MBTPS1: variants seen among roughly 807,000 people sequenced by gnomAD.
The protein encoded by MBTPS1 is membrane-bound transcription factor site-1 protease.
In MBTPS1, 94 loss-of-function variants were observed where a neutral mutation model predicts 127.8. The observed-to-expected ratio is 0.74, with a 90% CI of 0.62 to 0.87. The LOEUF is 0.87. MBTPS1 is among the 40% of genes least tolerant of loss of function. The pLI is 0.00. For synonymous variants in MBTPS1, 632 were observed against 509.4 expected (o/e 1.24, Z -3.24); for missense variants, 1,636 against 1,353.2 (o/e 1.21, Z -3.28).
In MBTPS1 at chr16:84,054,273, G is replaced by A. The variant is rs369011145; in HGVS notation, c.*176C>T. 10 of 460,186 alleles carry A rather than the reference G, an allele frequency of 2.2e-5. No homozygotes were observed. Among genetic ancestry groups the A allele is most frequent in the Admixed American group, 1.2e-4 (3 of 24,126 alleles). The allele number at this position is 460,186 out of a possible 1,614,324, so 28.5% of individuals were successfully genotyped here. ...TGACGGGATCCACAGGAATCTTCTC[G>A]ATGTACCAGGAGCCTCTGCCCATCA... On this transcript the variant is annotated 3_prime_UTR_variant, in exon 23 of 23. Transcript: ENST00000343411.
Position 84,106,323 on chromosome 16 carries a change from G to A in MBTPS1, c.-324-4216C>T, listed in dbSNP as rs570788242. On this transcript the variant is annotated intron_variant, in intron 1 of 22. Transcript: ENST00000343411. ...AATAATAATAATAATAAATAAATAA[G>A]AAAACACAAAGAAAAGGAATATGAC... 5.1e-4 allele frequency among the ~76,000 whole-genome samples: 78 copies of A among 152,122 alleles called. 1 individual carries two copies. The highest frequency in any genetic ancestry group is 2.2e-4 in the Non-Finnish European group (15 of 67,978).
chr16:84,069,847 C>T lies in MBTPS1; in HGVS notation c.1955+19G>A. 1.9e-6 allele frequency: 3 copies of T among 1,604,410 alleles called. No individual in the cohort carries two copies. The highest frequency in any genetic ancestry group is 2.6e-6 in the Non-Finnish European group (3 of 1,175,814). On this transcript the variant is annotated intron_variant, in intron 14 of 22. Transcript: ENST00000343411. ...CCACGGAGGCTGGGGAGGTGAAGTG[C>T]ATCCTGTGAGGTGCTTACCAGTCTA...
chr16:84,090,325 C>T (rs1406460129), intron 8 of MBTPS1, among the ~76,000 whole-genome samples: 3 of 151,252 alleles, frequency 2.0e-5, no homozygotes, highest in Non-Finnish European at 4.4e-5. Context: ...AGCACAAAGG[C>T]CCCCCTGTGA....
intron 1 of MBTPS1, among the ~76,000 whole-genome samples, chr16:84,114,820 C>T (rs1324949347): frequency 7.1e-6 from 1 of 141,008 alleles, no homozygotes; most frequent in Non-Finnish European, 1.5e-5. Flanking sequence ...CAGAGCGAGA[C>T]TCTGTCTCAA....
chr16:84,088,663 A>G (rs1261648144), intron 8 of MBTPS1, among the ~76,000 whole-genome samples: 1 of 152,226 alleles, frequency 6.6e-6, no homozygotes, highest in Non-Finnish European at 1.5e-5. Flanking sequence ...CTGGCACCAC[A>G]GAGTCTAGGA....
chr16:84,079,456 C>G (rs567081601), intron 11 of MBTPS1, among the ~76,000 whole-genome samples: 3 of 151,988 alleles, frequency 2.0e-5, no homozygotes, highest in Non-Finnish European at 4.4e-5. Context: ...TAAAAAGACA[C>G]CAAGGAAAGA....
chr16:84,063,281 A>C, intron 19 of MBTPS1, 24 bp downstream of exon 19: 1 of 1,596,490 alleles, frequency 6.3e-7, no homozygotes, highest in Non-Finnish European at 8.6e-7. Context: ...CCGAAGTCAC[A>C]AAGTCCATCT....
intron 17 of MBTPS1, 113 bp downstream of exon 17, chr16:84,066,376 G>T: frequency 8.8e-7 from 1 of 1,137,594 alleles, no homozygotes; most frequent in Non-Finnish European, 1.2e-6. Flanking sequence ...TCTTTCCACA[G>T]ACTCCAGCTA....
At chr16:84,083,199 C>T (rs917798467) in intron 10 of MBTPS1, among the ~76,000 whole-genome samples, 4 of 152,172 alleles carry the variant, frequency 2.6e-5, no homozygotes, top group African/African-American at 9.7e-5. Context: ...GAAGCTGCAG[C>T]CCTAACTGAA....
chr16:84,053,906 T>G lies in MBTPS1; in HGVS notation c.*543A>C, dbSNP rs1394673833. 6.6e-6 allele frequency: 1 copy of G among 152,372 alleles called. No homozygotes were observed. Among genetic ancestry groups the G allele is most frequent in the Non-Finnish European group, 1.5e-5 (1 of 68,154 alleles). The allele number at this position is 152,372 out of a possible 1,614,324, so 9.4% of individuals were successfully genotyped here. ...GGTCTATGTTTTACAGATTTGTGCA[T>G]GTTTCCTTCAAATCTCAGTCTGTAC... On this transcript the variant is annotated 3_prime_UTR_variant, in exon 23 of 23. Transcript: ENST00000343411.
intron 15 of MBTPS1, 37 bp downstream of exon 15, chr16:84,068,302 G>A (rs369270630): frequency 2.5e-5 from 33 of 1,344,392 alleles, no homozygotes; most frequent in African/African-American, 2.0e-4. Flanking sequence ...CAAAGTGGGC[G>A]GAAAGACCAT....
intron 14 of MBTPS1, 90 bp from the exon 15 acceptor site, chr16:84,068,544 C>G: frequency 1.1e-6 from 1 of 870,970 alleles, no homozygotes; most frequent in East Asian, 2.5e-5. Flanking sequence ...TGCAAGAGCA[C>G]CATGCCATGG....
At chr16:84,112,974 C>CAA (rs71382895) in intron 1 of MBTPS1, among the ~76,000 whole-genome samples, 714 of 56,744 alleles carry the variant, frequency 0.013, 39 homozygotes, top group Admixed American at 0.1. Flanking sequence ...GATGCCATCT[C>CAA]AAAAAAAAAA....
intron 3 of MBTPS1, among the ~76,000 whole-genome samples, chr16:84,098,551 G>A (rs989258966): frequency 6.6e-6 from 1 of 152,142 alleles, no homozygotes; most frequent in South Asian, 2.1e-4. Context: ...AGGTTGAGGT[G>A]AGCCAAGATC....
Position 84,060,719 on chromosome 16 carries a change from G to T in MBTPS1, c.2667C>A (p.Pro889=). 1 of 1,613,910 alleles carries T rather than the reference G, an allele frequency of 6.2e-7. No individual in the cohort carries two copies. Among genetic ancestry groups the T allele is most frequent in the Non-Finnish European group, 8.5e-7 (1 of 1,179,944 alleles). The part of the protein sequence containing the change: ...LSHSGNRQRP[P]SGAGSVTPER... ...CTGGAGTGACTGAGCCTGCTCCACT[G>T]GGAGGGCGCTGGCGGTTCCCAGAGT... Residue 889 remains proline, a synonymous_variant, in exon 20 of 23, where the codon CCC becomes CCA. Coordinates refer to ENST00000343411, the MANE Select transcript of MBTPS1 (RefSeq NM_003791.4).
intron 21 of MBTPS1, among the ~76,000 whole-genome samples, chr16:84,058,848 A>C (rs1334805820): frequency 6.6e-6 from 1 of 152,208 alleles, no homozygotes; most frequent in East Asian, 1.9e-4. Context: ...CCCCAGTCAC[A>C]GTCAGCACAG....
At chr16:84,100,064 T>A (rs2086232747) in intron 2 of MBTPS1, among the ~76,000 whole-genome samples, 1 of 152,176 alleles carries the variant, frequency 6.6e-6, no homozygotes. Flanking sequence ...ACATAAACAT[T>A]CTGCACCTCC....
rs1218740903 is a variant in MBTPS1 at position 84,056,390 on chromosome 16, C to A, written c.2832-255G>T. On this transcript the variant is annotated intron_variant, in intron 21 of 22. Coordinates refer to ENST00000343411, the MANE Select transcript of MBTPS1 (RefSeq NM_003791.4). ...GAGTTTACAATATGACCAGCAGGAG[C>A]CTGTTTTTGCATAAAGCTAAACATG... The A allele has an allele frequency of 1.3e-5, 5 of 376,134 alleles. No individual in the cohort carries two copies. In the East Asian group the frequency reaches 2.0e-4, roughly 15 times the overall value. 23.3% of individuals were successfully genotyped at this position (376,134 alleles called of 1,614,324 possible). A position where few individuals can be genotyped will look rare whatever the true frequency, so the allele number is the denominator to read the frequency against.
At chr16:84,113,547 C>G (rs1380852986) in intron 1 of MBTPS1, among the ~76,000 whole-genome samples, 1 of 152,244 alleles carries the variant, frequency 6.6e-6, no homozygotes, top group Non-Finnish European at 1.5e-5. Flanking sequence ...ACTGGCCTAG[C>G]TGGTGGCTAG....
Sources: gnomAD v4.1 joint callset for allele counts (sites outside exome capture counted in the v4.1 genomes callset) on GRCh38, gnomAD v4.1.1 for gene constraint, MANE v1.5 for transcripts, NCBI Gene and HGNC (gene_info 2026-07-23, HGNC 2026-07-21) for gene names.